Variants in UBAP2 observed in about 807,000 individuals in gnomAD.
UBAP2 encodes ubiquitin associated protein 2, also known as ubiquitin-associated protein 2.
Under a neutral mutation model 139.6 loss-of-function variants are expected in UBAP2, and 75 were observed. That is an observed-to-expected ratio of 0.54 (90% CI 0.45 to 0.65). The LOEUF is 0.65. UBAP2 is among the 30% of genes least tolerant of loss of function. The pLI is 0.00. For missense variants in UBAP2, 1,368 were observed against 1,369.6 expected (o/e 1.00, Z 0.02); for synonymous variants, 526 against 526.2 (o/e 1.00, Z 0.01).
At position 33,960,871 on chromosome 9, in the gene UBAP2, C is replaced by G. The variant is rs546122889; in HGVS notation, c.753G>C (p.Trp251Cys). ...TTGTCCACTCTTCCACAGAATTCTTCCAAGCCCCTGTTGGGAAACAACAGC... is the reference window on the plus strand; with the variant it reads ...TTGTCCACTCTTCCACAGAATTCTTGCAAGCCCCTGTTGGGAAACAACAGC... ...NKSSYGLKGA[W>C]KNSVEEWTTE... Residue 251 changes from tryptophan to cysteine, a missense_variant, in exon 10 of 29, where the codon TGG (tryptophan) becomes TGC (cysteine). By Grantham distance (215) the Trp-to-Cys change is radical. Transcript: ENST00000379238. 6.2e-7 allele frequency: 1 copy of G among 1,613,944 alleles called. No individual in the cohort carries two copies. Among genetic ancestry groups the G allele is most frequent in the Non-Finnish European group, 8.5e-7 (1 of 1,180,006 alleles).
chr9:33,943,297 T>G, intron 15 of UBAP2, 123 bp downstream of exon 15: 2 of 939,734 alleles, frequency 2.1e-6, no homozygotes, highest in Non-Finnish European at 1.5e-6. Context: ...GGGTTTCTTA[T>G]GGAGATGATG....
chr9:33,975,048 A>G (rs1417011891), intron 6 of UBAP2, among the ~76,000 whole-genome samples: 1 of 152,234 alleles, frequency 6.6e-6, no homozygotes, highest in Non-Finnish European at 1.5e-5. Context: ...GCTGATCATT[A>G]GGGAAATCCA....
intron 1 of UBAP2, among the ~76,000 whole-genome samples, chr9:34,036,447 G>C (rs1272956240): frequency 2.0e-5 from 3 of 152,044 alleles, no homozygotes; most frequent in African/African-American, 7.2e-5. Context: ...AAGAATCTAA[G>C]AAAACTAAGG....
At chr9:34,039,408 GA>G (rs1262125792) in intron 1 of UBAP2, among the ~76,000 whole-genome samples, 1 of 152,188 alleles carries the variant, frequency 6.6e-6, no homozygotes, top group Non-Finnish European at 1.5e-5. Context: ...TTGTCGAATA[GA>G]AAAGGGGGAA....
At chr9:33,978,306 G>A (rs1379986990) in intron 6 of UBAP2, among the ~76,000 whole-genome samples, 1 of 151,824 alleles carries the variant, frequency 6.6e-6, no homozygotes, top group Non-Finnish European at 1.5e-5. Context: ...GGTCAAGATG[G>A]GAGGATCACT....
chr9:34,038,112 G>A (rs1281100843), intron 1 of UBAP2, among the ~76,000 whole-genome samples: 1 of 140,540 alleles, frequency 7.1e-6, no homozygotes, highest in Non-Finnish European at 1.5e-5. Context: ...GCTGCAATGA[G>A]CTAGGATTGC....
At chr9:33,932,690 G>A (rs307648) in intron 18 of UBAP2, 62 bp from the exon 19 acceptor site, 26 of 1,579,496 alleles carry the variant, frequency 1.6e-5, no homozygotes, top group Non-Finnish European at 2.2e-5. Flanking sequence ...TGAACAAGAC[G>A]CACGTGGGTC....
intron 24 of UBAP2, 44 bp from the exon 25 acceptor site, chr9:33,923,522 G>A (rs113620880): frequency 6.3e-7 from 1 of 1,588,900 alleles, no homozygotes; most frequent in African/African-American, 1.3e-5. Context: ...GAAGAGGCAA[G>A]CTGAGGCTGG....
chr9:33,941,546 C>G, intron 16 of UBAP2, 103 bp downstream of exon 16: 1 of 1,030,710 alleles, frequency 9.7e-7, no homozygotes, highest in East Asian at 2.6e-5. Context: ...AAAGGTTAGT[C>G]AATTTGTAAA....
chr9:33,954,423 A>T (rs1294492492), intron 11 of UBAP2, among the ~76,000 whole-genome samples: 3 of 152,116 alleles, frequency 2.0e-5, no homozygotes, highest in Non-Finnish European at 4.4e-5. Flanking sequence ...ACTACCTGAC[A>T]ACAATGAGCT....
At chr9:33,975,766 C>T (rs1388029301) in intron 6 of UBAP2, among the ~76,000 whole-genome samples, 2 of 148,868 alleles carry the variant, frequency 1.3e-5, no homozygotes, top group East Asian at 4.0e-4. Context: ...CACAACACTG[C>T]ACTCCAGCCT....
At chr9:34,021,632 ATTTTT>A (rs60522554) in intron 1 of UBAP2, among the ~76,000 whole-genome samples, 4 of 126,766 alleles carry the variant, frequency 3.2e-5, no homozygotes, top group Admixed American at 8.3e-5. Flanking sequence ...AATCCATTTG[ATTTTT>A]TTTTTTTTTT....
chr9:33,982,010 A>G (rs1254456426), intron 6 of UBAP2, among the ~76,000 whole-genome samples: 1 of 152,142 alleles, frequency 6.6e-6, no homozygotes, highest in Non-Finnish European at 1.5e-5. Context: ...GAAGAACAGA[A>G]TTGTTAAGAT....
intron 6 of UBAP2, among the ~76,000 whole-genome samples, chr9:33,978,525 C>T (rs1247464771): frequency 6.6e-6 from 1 of 152,134 alleles, no homozygotes; most frequent in East Asian, 1.9e-4. Context: ...GTAATCCTAG[C>T]ACTTTACGAG....
chr9:34,034,648 G>A (rs990258686), intron 1 of UBAP2, among the ~76,000 whole-genome samples: 2 of 152,196 alleles, frequency 1.3e-5, no homozygotes, highest in African/African-American at 4.8e-5. Context: ...GCACAGGCGG[G>A]CGGATCAGGA....
rs186935817 is a variant in UBAP2, at chr9:33,942,054, C to T, written c.1716-192G>A. On this transcript the variant is annotated intron_variant, in intron 15 of 28. Coordinates refer to ENST00000379238, the MANE Select transcript of UBAP2 (RefSeq NM_001370062.2). ...TTAGGCTGCGTGCGGTGGCTCACGC[C>T]TGTAATCCCAGCACTTTGAGAGGCA... is the stretch of plus-strand genomic sequence containing the variant. Among the ~76,000 whole-genome samples, 88 of 152,278 alleles carry T rather than the reference C, an allele frequency of 5.8e-4. 1 individual carries two copies. The highest frequency in any genetic ancestry group is 1.9e-4 in the Non-Finnish European group (13 of 68,024).
At position 33,927,367 on chromosome 9, in the gene UBAP2, A is replaced by G. The variant is rs558140935; in HGVS notation, c.2372-287T>C. 1.1e-4 allele frequency among the ~76,000 whole-genome samples: 16 copies of G among 152,218 alleles called. No homozygotes were observed. In the East Asian group the frequency reaches 3.1e-3, roughly 30 times the overall value. On this transcript the variant is annotated intron_variant, in intron 20 of 28. Transcript: ENST00000379238. ...CTGCACTGAGCAAAGAGAAATATAA[A>G]AAGAATCTGCCTCCTCCAAAGAGGG...
At chr9:33,927,196 G>T (rs1177889246) in intron 20 of UBAP2, 116 bp from the exon 21 acceptor site, 18 of 729,102 alleles carry the variant, frequency 2.5e-5, no homozygotes, top group Non-Finnish European at 4.0e-5. Context: ...TCAAAGAAGG[G>T]CAGTGGCCGA....
At chr9:33,926,882 A>T (rs995308311) in intron 21 of UBAP2, 107 bp downstream of exon 21, 4 of 1,154,198 alleles carry the variant, frequency 3.5e-6, no homozygotes, top group Non-Finnish European at 5.1e-6. Context: ...CAGGGATGGA[A>T]GGGCAGCTCA....
Sources: gnomAD v4.1 joint callset for allele counts (sites outside exome capture counted in the v4.1 genomes callset) on GRCh38, gnomAD v4.1.1 for gene constraint, MANE v1.5 for transcripts, NCBI Gene and HGNC (gene_info 2026-07-23, HGNC 2026-07-21) for gene names.